NEDD4L: variants seen among roughly 807,000 people sequenced by gnomAD.
NEDD4L encodes E3 ubiquitin-protein ligase NEDD4-like.
NEDD4L carries 54 observed loss-of-function variants against 148.9 expected under a neutral mutation model. The observed-to-expected ratio is 0.36, with a 90% CI of 0.29 to 0.45. NEDD4L has a LOEUF of 0.45. Among genes scored for constraint, NEDD4L ranks in the 20% least tolerant of loss-of-function variants. The pLI, the probability that NEDD4L is intolerant of heterozygous loss-of-function variation, is 1.00. For missense variants in NEDD4L, 856 were observed against 1,233.8 expected (o/e 0.69, Z 4.59); for synonymous variants, 433 against 440.7 (o/e 0.98, Z 0.22).
At chr18:58,280,653 A>AGG (rs929946440) in intron 5 of NEDD4L, among the ~76,000 whole-genome samples, 3 of 152,100 alleles carry the variant, frequency 2.0e-5, no homozygotes, top group African/African-American at 7.2e-5. Flanking sequence ...AGAGAAGATG[A>AGG]GGGGCAGGGA....
intron 19 of NEDD4L, among the ~76,000 whole-genome samples, chr18:58,359,369 A>G (rs1260226331): frequency 6.6e-6 from 1 of 152,152 alleles, no homozygotes; most frequent in African/African-American, 2.4e-5. Context: ...TAAACTGTGT[A>G]ACCCACATAC....
Position 58,094,923 on chromosome 18 carries a change from G to GGATTTCCC in NEDD4L, c.48+50216_48+50223dup, listed in dbSNP as rs1278643428. On this transcript the variant is annotated intron_variant, in intron 1 of 30. Transcript: ENST00000400345. ...CTTAAAAAAAAAAAAAAAAAAGAAG[G>GGATTTCCC]GATTTCCCTGTTCATGGCCTATGAG... Among the ~76,000 whole-genome samples, 100 of 145,908 alleles carry GGATTTCCC rather than the reference G, an allele frequency of 6.9e-4. 1 individual carries two copies. Among genetic ancestry groups the GGATTTCCC allele is most frequent in the African/African-American group, 2.5e-3 (97 of 38,916 alleles).
chr18:58,360,312 T>G (rs2045300028), intron 19 of NEDD4L, among the ~76,000 whole-genome samples: 2 of 152,242 alleles, frequency 1.3e-5, no homozygotes, highest in African/African-American at 4.8e-5. Context: ...TCTAAGTATC[T>G]GTTTCTGTAA....
intron 1 of NEDD4L, among the ~76,000 whole-genome samples, chr18:58,056,537 T>G (rs1446237755): frequency 6.6e-6 from 1 of 152,196 alleles, no homozygotes; most frequent in East Asian, 1.9e-4. Context: ...TTCCAGGGCT[T>G]CTTGGTCCTA....
At chr18:58,298,866 A>G (rs1056428980) in intron 5 of NEDD4L, among the ~76,000 whole-genome samples, 11 of 152,262 alleles carry the variant, frequency 7.2e-5, no homozygotes, top group Non-Finnish European at 1.5e-4. Context: ...AAAAAGCAAA[A>G]TTAAATAAAT....
At chr18:58,390,407 A>G (rs2049653882) in intron 28 of NEDD4L, 1 of 391,840 alleles carries the variant, frequency 2.6e-6, no homozygotes. Flanking sequence ...TGCTTTTTAT[A>G]TCATTTATTT....
intron 5 of NEDD4L, among the ~76,000 whole-genome samples, chr18:58,301,950 C>T (rs1030320118): frequency 2.6e-5 from 4 of 152,150 alleles, no homozygotes; most frequent in Non-Finnish European, 4.4e-5. Context: ...TGTGATGGAA[C>T]GCATCACATC....
At chr18:58,382,234 C>T (rs2146665709) in intron 24 of NEDD4L, among the ~76,000 whole-genome samples, 1 of 152,328 alleles carries the variant, frequency 6.6e-6, no homozygotes, top group Non-Finnish European at 1.5e-5. Flanking sequence ...CAGAGGGGCT[C>T]AGGATCTCCT....
chr18:58,273,235 T>A (rs2051337008), intron 5 of NEDD4L, among the ~76,000 whole-genome samples: 1 of 152,190 alleles, frequency 6.6e-6, no homozygotes, highest in Non-Finnish European at 1.5e-5. Context: ...ATGCATCTGA[T>A]ATATAAATAG....
chr18:58,328,359 G>A (rs1429789822), intron 9 of NEDD4L, among the ~76,000 whole-genome samples: 3 of 152,194 alleles, frequency 2.0e-5, no homozygotes, highest in Non-Finnish European at 1.5e-5. Flanking sequence ...GTGTTCTTCA[G>A]ACCCCGGCTG....
chr18:58,128,916 A>G (rs1457610294), intron 1 of NEDD4L, among the ~76,000 whole-genome samples: 1 of 152,226 alleles, frequency 6.6e-6, no homozygotes, highest in East Asian at 1.9e-4. Flanking sequence ...TGTGCTGAGC[A>G]CATCAAATAC....
At chr18:58,060,687 A>G (rs1265749545) in intron 1 of NEDD4L, among the ~76,000 whole-genome samples, 1 of 152,170 alleles carries the variant, frequency 6.6e-6, no homozygotes, top group Non-Finnish European at 1.5e-5. Context: ...TCTATTAAAT[A>G]CTTAGTACAG....
intron 7 of NEDD4L, among the ~76,000 whole-genome samples, chr18:58,322,895 G>A (rs1400395369): frequency 1.1e-5 from 1 of 95,012 alleles, no homozygotes; most frequent in South Asian, 4.5e-4. Flanking sequence ...GGGTGTGGGT[G>A]GGTGGGGATG....
chr18:58,048,871 G>A (rs530210708), intron 1 of NEDD4L, among the ~76,000 whole-genome samples: 13 of 152,136 alleles, frequency 8.5e-5, no homozygotes, highest in African/African-American at 3.1e-4. Context: ...TGTCTTAGGG[G>A]TCTTTCTACT....
chr18:58,262,918 T>C (rs2049642511), intron 5 of NEDD4L, among the ~76,000 whole-genome samples: 1 of 152,212 alleles, frequency 6.6e-6, no homozygotes, highest in African/African-American at 2.4e-5. Context: ...GAAGCTTAGT[T>C]TCTTTCAGGA....
At position 58,094,240 on chromosome 18, in the gene NEDD4L, GGT is replaced by G. The variant is rs377663724; in HGVS notation, c.48+49534_48+49535del. Among the ~76,000 whole-genome samples the G allele has an allele frequency of 1.1e-3, 167 of 151,042 alleles. 1 individual carries two copies. The highest frequency in any genetic ancestry group is 3.9e-3 in the African/African-American group (160 of 41,018). On this transcript the variant is annotated intron_variant, in intron 1 of 30. Coordinates refer to ENST00000400345, the MANE Select transcript of NEDD4L (RefSeq NM_001144967.3). ...CCATCTGTTGCCCAGGCTGGAGTGT[GGT>G]GGCGCGATCATAGCTTATTGCAGGC...
chr18:58,348,617 A>C (rs529276599), intron 16 of NEDD4L, among the ~76,000 whole-genome samples: 81 of 152,206 alleles, frequency 5.3e-4, no homozygotes, highest in South Asian at 1.0e-3. Flanking sequence ...CCCGGCCTAC[A>C]CTGCATTTTA....
intron 1 of NEDD4L, 61 bp downstream of exon 1, chr18:58,044,769 G>T (rs534911431): frequency 1.3e-6 from 2 of 1,580,842 alleles, no homozygotes; most frequent in Non-Finnish European, 1.7e-6. Flanking sequence ...GCGCCGGCAG[G>T]GGGAGGGGAA....
At chr18:58,334,307 C>T (rs567087641) in intron 12 of NEDD4L, among the ~76,000 whole-genome samples, 120 of 152,318 alleles carry the variant, frequency 7.9e-4, no homozygotes, top group Middle Eastern at 6.8e-3. Context: ...TTCCTAATGA[C>T]CTGAAGTCTG....
Sources: allele counts gnomAD v4.1 joint callset (sites outside exome capture counted in the v4.1 genomes callset), GRCh38; gene constraint gnomAD v4.1.1; transcripts MANE v1.5; gene names NCBI Gene and HGNC (gene_info 2026-07-23, HGNC 2026-07-21).